Variants in PTPRD observed in about 807,000 individuals in gnomAD.
PTPRD encodes the protein receptor-type tyrosine-protein phosphatase delta.
In PTPRD, 34 loss-of-function variants were observed where a neutral mutation model predicts 214.5. The ratio of observed to expected loss-of-function variants is 0.16; its 90% CI spans 0.12 to 0.21. PTPRD has a LOEUF of 0.21. PTPRD is among the 10% of genes least tolerant of loss of function. The pLI is 1.00. For missense variants in PTPRD, 2,545 were observed against 2,398.7 expected (o/e 1.06, Z -1.27); for synonymous variants, 1,128 against 845.7 (o/e 1.33, Z -5.79).
At chr9:9,530,591 C>T (rs1225897444) in intron 8 of PTPRD, among the ~76,000 whole-genome samples, 2 of 152,168 alleles carry the variant, frequency 1.3e-5, no homozygotes, top group Admixed American at 1.3e-4. Context: ...TATTGCAGCA[C>T]TATTCACAAT....
intron 2 of PTPRD, among the ~76,000 whole-genome samples, chr9:10,379,175 C>G (rs1293078094): frequency 6.7e-6 from 1 of 150,258 alleles, no homozygotes; most frequent in Non-Finnish European, 1.5e-5. Flanking sequence ...TATTATTATA[C>G]TTTAAGTTTT....
rs2135667939 is a variant in PTPRD, at chr9:8,389,393, C to A, written c.4225G>T (p.Asp1409Tyr). ...LSAIEGIPGS[D>Y]YVNANYIDGY... ...TCTATGTAGTTGGCATTCACATAGTCACTTCCTGGGATCCCTGGAAAACAA... is the reference window on the plus strand; with the variant it reads ...TCTATGTAGTTGGCATTCACATAGTAACTTCCTGGGATCCCTGGAAAACAA... Residue 1409 changes from aspartate to tyrosine, a missense_variant, in exon 37 of 46, where the codon GAC (aspartate) becomes TAC (tyrosine). Coordinates refer to ENST00000381196, the MANE Select transcript of PTPRD (RefSeq NM_002839.4). The A allele has an allele frequency of 6.2e-7, 1 of 1,608,370 alleles. No homozygotes were observed. Among genetic ancestry groups the A allele is most frequent in the Non-Finnish European group, 8.5e-7 (1 of 1,177,516 alleles).
At chr9:9,668,495 A>AT (rs1378118280) in intron 7 of PTPRD, among the ~76,000 whole-genome samples, 2 of 151,966 alleles carry the variant, frequency 1.3e-5, no homozygotes, top group African/African-American at 4.8e-5. Flanking sequence ...TACATTGTTG[A>AT]TTTTTTCTTC....
chr9:9,591,699 G>T (rs1464286588), intron 7 of PTPRD, among the ~76,000 whole-genome samples: 3 of 152,014 alleles, frequency 2.0e-5, no homozygotes, highest in African/African-American at 7.2e-5. Context: ...TGACACATAA[G>T]TGTGTATATT....
intron 10 of PTPRD, among the ~76,000 whole-genome samples, chr9:9,136,797 T>C (rs963420068): frequency 6.6e-6 from 1 of 152,148 alleles, no homozygotes; most frequent in African/African-American, 2.4e-5. Context: ...TTAACATAAA[T>C]GTAAAAAGAA....
intron 9 of PTPRD, among the ~76,000 whole-genome samples, chr9:9,327,507 G>A (rs761856161): frequency 3.9e-4 from 60 of 152,134 alleles, no homozygotes; most frequent in Non-Finnish European, 6.0e-4. Flanking sequence ...AGAAGTACAT[G>A]AAAATATAAG....
chr9:10,409,101 T>A (rs2098407493), intron 2 of PTPRD, among the ~76,000 whole-genome samples: 1 of 151,638 alleles, frequency 6.6e-6, no homozygotes. Flanking sequence ...TAAGGGATTA[T>A]AAAAATAAAA....
chr9:9,038,561 T>TG (rs2099629345), intron 10 of PTPRD, among the ~76,000 whole-genome samples: 3 of 148,990 alleles, frequency 2.0e-5, no homozygotes, highest in African/African-American at 2.5e-5. Context: ...CGGTTTTTTT[T>TG]TTTTTTTTTT....
At chr9:8,632,340 G>A (rs1007596281) in intron 14 of PTPRD, among the ~76,000 whole-genome samples, 1 of 151,538 alleles carries the variant, frequency 6.6e-6, no homozygotes, top group African/African-American at 2.4e-5. Flanking sequence ...TCCCTCCATG[G>A]GGGTAAAAAA....
intron 11 of PTPRD, among the ~76,000 whole-genome samples, chr9:8,938,224 T>C (rs1451292057): frequency 2.0e-5 from 3 of 151,818 alleles, no homozygotes; most frequent in Non-Finnish European, 2.9e-5. Context: ...CTATAGGAGT[T>C]GGCAATTGAT....
At chr9:9,991,431 A>C (rs1481965196) in intron 4 of PTPRD, among the ~76,000 whole-genome samples, 1 of 149,732 alleles carries the variant, frequency 6.7e-6, no homozygotes, top group East Asian at 2.0e-4. Flanking sequence ...TTGTGATCTC[A>C]GCTCACTGCA....
intron 11 of PTPRD, among the ~76,000 whole-genome samples, chr9:8,846,873 A>C (rs891564965): frequency 6.6e-6 from 1 of 152,192 alleles, no homozygotes; most frequent in East Asian, 1.9e-4. Context: ...GGAGCCACTG[A>C]AATATTTGAA....
At chr9:9,602,257 A>G (rs2093828248) in intron 7 of PTPRD, among the ~76,000 whole-genome samples, 1 of 152,062 alleles carries the variant, frequency 6.6e-6, no homozygotes, top group African/African-American at 2.4e-5. Flanking sequence ...ATACATGATA[A>G]AATGCATTAT....
Position 8,776,952 on chromosome 9 carries a change from G to C in PTPRD, c.-103-43006C>G, listed in dbSNP as rs146092445. Among the ~76,000 whole-genome samples the C allele has an allele frequency of 1.2e-4, 17 of 146,890 alleles. No homozygotes were observed. In the Middle Eastern group the frequency reaches 0.011, roughly 93 times the overall value. On this transcript the variant is annotated intron_variant, in intron 11 of 45. Coordinates refer to ENST00000381196, the MANE Select transcript of PTPRD (RefSeq NM_002839.4). The stretch of plus-strand genomic sequence containing the variant: ...AAATATGATGTAATACATATGTATA[G>C]TATATAAATATATTCTATTCATATA...
At chr9:9,761,578 G>A (rs2098657174) in intron 6 of PTPRD, among the ~76,000 whole-genome samples, 1 of 152,054 alleles carries the variant, frequency 6.6e-6, no homozygotes, top group African/African-American at 2.4e-5. Flanking sequence ...GAACAATATT[G>A]GGGGTTTATC....
chr9:9,789,796 C>CAAAAAAAAAAAAA lies in PTPRD; in HGVS notation c.-367-22958_-367-22946dup, dbSNP rs774579667. ...TGGGCAACAGAGCCAAACTCTGTCT[C>CAAAAAAAAAAAAA]AAAAAAAAAAAAAAAAAAAAAAAAA... On this transcript the variant is annotated intron_variant, in intron 5 of 45. Coordinates refer to ENST00000381196, the MANE Select transcript of PTPRD (RefSeq NM_002839.4). Among the ~76,000 whole-genome samples the CAAAAAAAAAAAAA allele has an allele frequency of 7.3e-5, 3 of 40,832 alleles. 1 individual carries two copies. Among genetic ancestry groups the CAAAAAAAAAAAAA allele is most frequent in the African/African-American group, 2.4e-4 (3 of 12,322 alleles). 26.8% of individuals were successfully genotyped at this position (40,832 alleles called of 152,430 possible).
At chr9:9,629,425 T>A (rs915029789) in intron 7 of PTPRD, among the ~76,000 whole-genome samples, 1 of 152,076 alleles carries the variant, frequency 6.6e-6, no homozygotes, top group Non-Finnish European at 1.5e-5. Context: ...TGTGTCTTCT[T>A]CCATAGGCCA....
At chr9:8,883,639 G>C (rs2098464002) in intron 11 of PTPRD, among the ~76,000 whole-genome samples, 1 of 152,190 alleles carries the variant, frequency 6.6e-6, no homozygotes, top group Non-Finnish European at 1.5e-5. Flanking sequence ...AAAATGCTGA[G>C]GTGAGAGGTC....
intron 10 of PTPRD, among the ~76,000 whole-genome samples, chr9:9,173,962 A>C (rs1025360429): frequency 6.6e-6 from 1 of 152,148 alleles, no homozygotes; most frequent in Non-Finnish European, 1.5e-5. Context: ...CCTTAAAAAG[A>C]ATTGCAAATG....
Sources: allele counts gnomAD v4.1 joint callset (sites outside exome capture counted in the v4.1 genomes callset), GRCh38; gene constraint gnomAD v4.1.1; transcripts MANE v1.5; gene names NCBI Gene and HGNC (gene_info 2026-07-23, HGNC 2026-07-21).